Variants in CDH18 observed in about 807,000 individuals in gnomAD.
The protein encoded by CDH18 is cadherin 18.
Under a neutral mutation model 67.9 loss-of-function variants are expected in CDH18, and 31 were observed. The observed-to-expected ratio is 0.46, with a 90% confidence interval of 0.34 to 0.62. The LOEUF is 0.62. CDH18 is among the 20% of genes least tolerant of loss of function. The pLI is 0.01. For synonymous variants in CDH18, 362 were observed against 347.2 expected (o/e 1.04, Z -0.48); for missense variants, 890 against 975.5 (o/e 0.91, Z 1.17).
At chr5:19,918,994 A>G (rs560954570) in intron 2 of CDH18, among the ~76,000 whole-genome samples, 2 of 152,260 alleles carry the variant, frequency 1.3e-5, no homozygotes, top group Admixed American at 1.3e-4. Flanking sequence ...TAGAACGTTC[A>G]GCCCCACCCA....
chr5:20,315,883 G>T (rs972675961), intron 1 of CDH18, among the ~76,000 whole-genome samples: 2 of 152,012 alleles, frequency 1.3e-5, no homozygotes, highest in Admixed American at 6.6e-5. Context: ...CTCTGACTCC[G>T]ACAAGAATGT....
chr5:20,190,504 A>G (rs1738451327), intron 2 of CDH18, among the ~76,000 whole-genome samples: 1 of 152,076 alleles, frequency 6.6e-6, no homozygotes, highest in Non-Finnish European at 1.5e-5. Flanking sequence ...TATATCAAGC[A>G]CATCCATTCA....
intron 1 of CDH18, among the ~76,000 whole-genome samples, chr5:20,490,952 T>C (rs903880034): frequency 1.3e-5 from 2 of 152,104 alleles, no homozygotes; most frequent in African/African-American, 4.8e-5. Context: ...ATCCTTAACA[T>C]TTTAAGTCCA....
intron 2 of CDH18, among the ~76,000 whole-genome samples, chr5:19,941,944 G>A (rs1412418289): frequency 6.6e-6 from 1 of 152,078 alleles, no homozygotes; most frequent in Non-Finnish European, 1.5e-5. Context: ...TCTCAATCAT[G>A]TTCATTTCAT....
At chr5:19,713,273 C>A (rs956932394) in intron 5 of CDH18, among the ~76,000 whole-genome samples, 1 of 152,002 alleles carries the variant, frequency 6.6e-6, no homozygotes, top group Non-Finnish European at 1.5e-5. Context: ...GTATAACTAC[C>A]ATTTTATAGC....
At chr5:19,493,956 A>G (rs1159966287) in intron 11 of CDH18, among the ~76,000 whole-genome samples, 3 of 152,084 alleles carry the variant, frequency 2.0e-5, no homozygotes, top group Non-Finnish European at 4.4e-5. Context: ...ACCATTGCTT[A>G]CTTGTCTCAT....
At chr5:20,003,701 G>A (rs749066076) in intron 2 of CDH18, among the ~76,000 whole-genome samples, 4 of 152,074 alleles carry the variant, frequency 2.6e-5, no homozygotes, top group Non-Finnish European at 5.9e-5. Context: ...GACCATCCTG[G>A]CTAATACGGT....
At chr5:19,660,213 CTG>C (rs1278976494) in intron 5 of CDH18, among the ~76,000 whole-genome samples, 1 of 151,978 alleles carries the variant, frequency 6.6e-6, no homozygotes, top group African/African-American at 2.4e-5. Flanking sequence ...CAGTGAAACA[CTG>C]AGAATGAATA....
Position 20,531,218 on chromosome 5 carries a change from T to C in CDH18, c.-580+44244A>G, listed in dbSNP as rs377570612. On this transcript the variant is annotated intron_variant, in intron 1 of 14. Transcript: ENST00000507958. Reference sequence around the variant, plus strand: ...CATCTCACACTAGTCAGAATGGTGATAATTAAAAAGTCAAGAATCAACAGA... The same window carrying C: ...CATCTCACACTAGTCAGAATGGTGACAATTAAAAAGTCAAGAATCAACAGA... 8.5e-4 allele frequency among the ~76,000 whole-genome samples: 129 copies of C among 152,146 alleles called. 4 individuals carry two copies. Among genetic ancestry groups the C allele is most frequent in the African/African-American group, 3.0e-3 (123 of 41,468 alleles).
intron 3 of CDH18, among the ~76,000 whole-genome samples, chr5:19,791,916 G>C (rs1028139089): frequency 2.0e-5 from 3 of 151,932 alleles, no homozygotes; most frequent in Non-Finnish European, 4.4e-5. Context: ...TTCCATTTTT[G>C]CTTTATTACA....
chr5:20,446,185 T>C (rs559222321), intron 1 of CDH18, among the ~76,000 whole-genome samples: 2 of 152,260 alleles, frequency 1.3e-5, no homozygotes, highest in African/African-American at 4.8e-5. Context: ...ACCGAGCACA[T>C]GTCACTTTAG....
At chr5:20,018,579 TA>T (rs925353044) in intron 2 of CDH18, among the ~76,000 whole-genome samples, 3 of 151,436 alleles carry the variant, frequency 2.0e-5, no homozygotes, top group Non-Finnish European at 4.4e-5. Context: ...AAGAAAATGA[TA>T]AAAAATATGA....
At chr5:19,937,894 T>A (rs552124737) in intron 2 of CDH18, among the ~76,000 whole-genome samples, 36 of 150,724 alleles carry the variant, frequency 2.4e-4, no homozygotes, top group Non-Finnish European at 4.6e-4. Context: ...AAATTTTTTT[T>A]ATTGAATTTC....
chr5:20,000,099 A>T (rs1307222648), intron 2 of CDH18, among the ~76,000 whole-genome samples: 1 of 152,124 alleles, frequency 6.6e-6, no homozygotes, highest in Non-Finnish European at 1.5e-5. Context: ...GCAGTAGGAA[A>T]AGTGTTCCTA....
intron 6 of CDH18, among the ~76,000 whole-genome samples, chr5:19,598,173 A>G (rs1746474631): frequency 6.6e-6 from 1 of 152,128 alleles, no homozygotes; most frequent in African/African-American, 2.4e-5. Flanking sequence ...TCTCAGTTTC[A>G]TTACAGACTT....
At chr5:20,251,660 GAGCTAC>G (rs1743868912) in intron 2 of CDH18, among the ~76,000 whole-genome samples, 1 of 152,170 alleles carries the variant, frequency 6.6e-6, no homozygotes, top group African/African-American at 2.4e-5. Flanking sequence ...AGGCAGGAGG[GAGCTAC>G]AGTTAAAAAG....
In CDH18 at chr5:20,467,630, A is replaced by T. The variant is rs77167455; in HGVS notation, c.-580+107832T>A. On this transcript the variant is annotated intron_variant, in intron 1 of 14. Coordinates refer to the CDH18 transcript ENST00000507958. ...TTCACTCTAATGTAATGACTTTTTC[A>T]CCACTGTACCAAAAACAACATTAGC... Among the ~76,000 whole-genome samples, 68 of 152,334 alleles carry T rather than the reference A, an allele frequency of 4.5e-4. No individual in the cohort carries two copies. The East Asian group carries it at 0.012, about 27-fold the overall frequency.
chr5:20,274,522 T>A (rs1316390569), intron 1 of CDH18, among the ~76,000 whole-genome samples: 2 of 152,282 alleles, frequency 1.3e-5, no homozygotes, highest in Non-Finnish European at 2.9e-5. Flanking sequence ...ATATATTCCT[T>A]ATCTTGATTT....
chr5:20,398,528 A>G (rs540271319), intron 1 of CDH18, among the ~76,000 whole-genome samples: 2 of 152,306 alleles, frequency 1.3e-5, no homozygotes, highest in Admixed American at 1.3e-4. Flanking sequence ...CGAAGAGAAA[A>G]GCATGGAAGC....
Sources: gnomAD v4.1 joint callset for allele counts (sites outside exome capture counted in the v4.1 genomes callset) on GRCh38, gnomAD v4.1.1 for gene constraint, MANE v1.5 for transcripts, NCBI Gene and HGNC (gene_info 2026-07-23, HGNC 2026-07-21) for gene names.